C17orf114: variants seen among roughly 807,000 people sequenced by gnomAD.
C17orf114 encodes the protein chromosome 17 open reading frame 114.
At chr17:4,803,289 C>T (rs947620023), upstream of C17orf114, among the ~76,000 whole-genome samples, 2 of 151,806 alleles carry the variant, frequency 1.3e-5, no homozygotes, top group Non-Finnish European at 2.9e-5. Context: ...TGTGAAAAAG[C>T]AGGCACTGAG....
chr17:4,801,965 G>A (rs1277063048), intron 1 of C17orf114, among the ~76,000 whole-genome samples: 5 of 151,984 alleles, frequency 3.3e-5, no homozygotes, highest in Non-Finnish European at 5.9e-5. Flanking sequence ...CCCTGACCTC[G>A]TGATCTACCC....
upstream of C17orf114, among the ~76,000 whole-genome samples, chr17:4,803,517 C>T (rs546484108): frequency 2.0e-5 from 3 of 147,176 alleles, no homozygotes; most frequent in South Asian, 2.2e-4. Flanking sequence ...CTCTGCCTCC[C>T]GGGTTCACGC....
At chr17:4,803,138 C>G (rs895918704), upstream of C17orf114, among the ~76,000 whole-genome samples, 1 of 151,874 alleles carries the variant, frequency 6.6e-6, no homozygotes, top group African/African-American at 2.4e-5. Context: ...AGGCTAGTCT[C>G]GAACTCCTGA....
upstream of C17orf114, among the ~76,000 whole-genome samples, chr17:4,803,836 C>A (rs959193991): frequency 2.0e-5 from 3 of 151,918 alleles, no homozygotes; most frequent in Non-Finnish European, 4.4e-5. Context: ...AGTCTCCTGT[C>A]CCAGCCTCCC....
chr17:4,805,295 G>T (rs1396422884), upstream of C17orf114, among the ~76,000 whole-genome samples: 1 of 151,682 alleles, frequency 6.6e-6, no homozygotes, highest in African/African-American at 2.4e-5. Flanking sequence ...TAGGCGTGGT[G>T]GCAGGTGCCT....
At chr17:4,802,290 T>C in exon 1 of C17orf114, 1 of 399,620 alleles carries the variant, frequency 2.5e-6, no homozygotes, top group East Asian at 3.6e-5. Context: ...ACCCGCACCA[T>C]GGGAAACACC....
At chr17:4,801,891 C>T (rs11656129) in intron 1 of C17orf114, among the ~76,000 whole-genome samples, 2,224 of 152,026 alleles carry the variant, frequency 0.015, 37 homozygotes, top group South Asian at 0.058. Context: ...CCACCACACC[C>T]GGCTAATTTT....
chr17:4,802,152 T>A (rs1905529147), intron 1 of C17orf114, 95 bp downstream of exon 1: 1 of 397,476 alleles, frequency 2.5e-6, no homozygotes. Flanking sequence ...CAGATGATCC[T>A]TTTCCCTTTG....
upstream of C17orf114, among the ~76,000 whole-genome samples, chr17:4,805,892 G>C (rs899089585): frequency 6.6e-6 from 1 of 152,084 alleles, no homozygotes; most frequent in Non-Finnish European, 1.5e-5. Context: ...GGCGGAGCTT[G>C]CAGTGAGCCG....
intron 1 of C17orf114, among the ~76,000 whole-genome samples, chr17:4,801,875 C>A (rs551350885): frequency 2.6e-5 from 4 of 151,878 alleles, no homozygotes; most frequent in Non-Finnish European, 4.4e-5. Context: ...GGACTACAGG[C>A]GCCCGCCACC....
chr17:4,804,603 CTTTT>C (rs35194566), upstream of C17orf114, among the ~76,000 whole-genome samples: 5 of 134,558 alleles, frequency 3.7e-5, no homozygotes, highest in East Asian at 2.2e-4. Flanking sequence ...ATGTTTCTTT[CTTTT>C]TTTTTTTTTT....
chr17:4,802,551 C>A (rs1905540246), upstream of C17orf114, among the ~76,000 whole-genome samples: 1 of 152,140 alleles, frequency 6.6e-6, no homozygotes, highest in South Asian at 2.1e-4. Context: ...CCTTTCTGAT[C>A]CCCATGGAGA....
upstream of C17orf114, chr17:4,806,729 T>A (rs1905849613): frequency 6.6e-6 from 1 of 151,664 alleles, no homozygotes; most frequent in African/African-American, 2.4e-5. Flanking sequence ...TCGCAGCGGG[T>A]CCGGGAGCGG....
upstream of C17orf114, chr17:4,806,924 T>TA (rs1252776471): frequency 2.0e-5 from 3 of 149,424 alleles, no homozygotes; most frequent in Non-Finnish European, 4.5e-5. Flanking sequence ...GGGCAGCACT[T>TA]ACCCGCCGCA....
upstream of C17orf114, among the ~76,000 whole-genome samples, chr17:4,802,837 G>A (rs537610077): frequency 2.0e-5 from 3 of 152,302 alleles, no homozygotes; most frequent in Non-Finnish European, 2.9e-5. Flanking sequence ...CTGTTATGAA[G>A]ATGATTGTAA....
upstream of C17orf114, among the ~76,000 whole-genome samples, chr17:4,806,314 C>G (rs1169494270): frequency 6.6e-6 from 1 of 152,212 alleles, no homozygotes; most frequent in Admixed American, 6.5e-5. Context: ...GATCGAACAA[C>G]TCCACTCCCT....
upstream of C17orf114, chr17:4,806,847 G>T (rs1905871010): frequency 1.3e-5 from 2 of 149,370 alleles, 1 homozygote; most frequent in South Asian, 4.1e-4. Flanking sequence ...GATGCGCGCA[G>T]CGCGGGGTGC....
upstream of C17orf114, among the ~76,000 whole-genome samples, chr17:4,804,210 T>A (rs1905585610): frequency 8.8e-6 from 1 of 113,190 alleles, no homozygotes; most frequent in Non-Finnish European, 1.8e-5. Context: ...TCTTTTTTCT[T>A]TTTTTTTTTT....
At chr17:4,802,116 G>A (rs535418747) in intron 1 of C17orf114, 131 bp downstream of exon 1, 10 of 395,816 alleles carry the variant, frequency 2.5e-5, no homozygotes, top group South Asian at 1.4e-4. Flanking sequence ...TGAGGACTTC[G>A]GTGATCCATC....
Sources: gnomAD v4.1 joint callset for allele counts (sites outside exome capture counted in the v4.1 genomes callset) on GRCh38, gnomAD v4.1.1 for gene constraint, MANE v1.5 for transcripts, NCBI Gene and HGNC (gene_info 2026-07-23, HGNC 2026-07-21) for gene names.